Variants in TAFA5 observed in about 807,000 individuals in gnomAD.
TAFA5 encodes the protein chemokine-like protein TAFA-5.
A neutral mutation model predicts 15.3 loss-of-function variants in TAFA5; 6 were observed. That is an observed-to-expected ratio of 0.39 (90% CI 0.21 to 0.77). TAFA5 has a LOEUF of 0.77. Among genes scored for constraint, TAFA5 ranks in the 30% least tolerant of loss-of-function variants. The pLI, the probability that TAFA5 is intolerant of heterozygous loss-of-function variation, is 0.41. For missense variants in TAFA5, 161 were observed against 193.1 expected (o/e 0.83, Z 0.98); for synonymous variants, 103 against 80.7 (o/e 1.28, Z -1.48).
At chr22:48,632,732 AG>A (rs1926277362) in intron 1 of TAFA5, among the ~76,000 whole-genome samples, 1 of 152,080 alleles carries the variant, frequency 6.6e-6, no homozygotes, top group Admixed American at 6.5e-5. Flanking sequence ...CTGGCTGCGG[AG>A]GCCCTGACCC....
intron 1 of TAFA5, among the ~76,000 whole-genome samples, chr22:48,556,097 C>G (rs1469920744): frequency 6.6e-6 from 1 of 152,210 alleles, no homozygotes; most frequent in Non-Finnish European, 1.5e-5. Flanking sequence ...GATTGGTGGT[C>G]TCATCAAACT....
chr22:48,693,565 T>C (rs1197954103), intron 2 of TAFA5, among the ~76,000 whole-genome samples: 1 of 152,150 alleles, frequency 6.6e-6, no homozygotes, highest in Non-Finnish European at 1.5e-5. Context: ...CAGGGAACTC[T>C]GTTCCCACCC....
intron 1 of TAFA5, among the ~76,000 whole-genome samples, chr22:48,525,210 A>G (rs1921738485): frequency 6.6e-6 from 1 of 152,156 alleles, no homozygotes; most frequent in South Asian, 2.1e-4. Context: ...ACCCATTCAC[A>G]GGCTCCAGAG....
intron 2 of TAFA5, among the ~76,000 whole-genome samples, chr22:48,665,879 C>T (rs1927591749): frequency 1.3e-5 from 2 of 152,038 alleles, no homozygotes; most frequent in South Asian, 2.1e-4. Context: ...GGGCCGCCTG[C>T]TTGAACATCG....
chr22:48,540,379 C>T (rs1331176387), intron 1 of TAFA5, among the ~76,000 whole-genome samples: 3 of 152,144 alleles, frequency 2.0e-5, no homozygotes, highest in Non-Finnish European at 4.4e-5. Context: ...CCTGGACCCC[C>T]AGAGAATCCC....
At chr22:48,663,795 T>C (rs1927525174) in intron 2 of TAFA5, among the ~76,000 whole-genome samples, 1 of 152,132 alleles carries the variant, frequency 6.6e-6, no homozygotes, top group Non-Finnish European at 1.5e-5. Context: ...TAAGTAGCCG[T>C]CTTGGTTATC....
At chr22:48,719,353 G>A (rs538613724) in intron 3 of TAFA5, among the ~76,000 whole-genome samples, 1 of 152,374 alleles carries the variant, frequency 6.6e-6, no homozygotes, top group East Asian at 1.9e-4. Context: ...GAGCCCAGAG[G>A]CTCCAAGTCC....
intron 1 of TAFA5, among the ~76,000 whole-genome samples, chr22:48,534,449 G>A (rs1347605828): frequency 6.6e-6 from 1 of 152,142 alleles, no homozygotes; most frequent in Non-Finnish European, 1.5e-5. Context: ...CTAGGACTGA[G>A]GAGTGTGGAG....
intron 1 of TAFA5, among the ~76,000 whole-genome samples, chr22:48,510,089 T>G (rs1921157503): frequency 6.6e-6 from 1 of 152,162 alleles, no homozygotes; most frequent in South Asian, 2.1e-4. Context: ...ATGAAACTGC[T>G]AGAAGAAAAC....
At chr22:48,701,881 A>G (rs577407212) in intron 2 of TAFA5, among the ~76,000 whole-genome samples, 1 of 152,182 alleles carries the variant, frequency 6.6e-6, no homozygotes, top group Non-Finnish European at 1.5e-5. Context: ...CAAGGTTTTT[A>G]TGCTGCCACT....
intron 1 of TAFA5, among the ~76,000 whole-genome samples, chr22:48,590,788 C>T (rs1382193504): frequency 6.6e-6 from 1 of 152,126 alleles, no homozygotes; most frequent in Non-Finnish European, 1.5e-5. Context: ...ACCAGCTTCA[C>T]AGTTACCTGG....
intron 2 of TAFA5, among the ~76,000 whole-genome samples, chr22:48,664,946 C>T (rs1222622002): frequency 6.6e-6 from 1 of 152,186 alleles, no homozygotes; most frequent in African/African-American, 2.4e-5. Flanking sequence ...GACTTATCTC[C>T]AGCATTCGCC....
chr22:48,533,034 T>A (rs955273830), intron 1 of TAFA5, among the ~76,000 whole-genome samples: 1 of 152,156 alleles, frequency 6.6e-6, no homozygotes, highest in Non-Finnish European at 1.5e-5. Context: ...CCCTAAATGC[T>A]GCCAGGGGAC....
intron 1 of TAFA5, among the ~76,000 whole-genome samples, chr22:48,641,757 G>T (rs558390281): frequency 6.6e-6 from 1 of 152,210 alleles, no homozygotes; most frequent in South Asian, 2.1e-4. Context: ...TCGGTGGGGG[G>T]ACCTGCAAGG....
intron 1 of TAFA5, among the ~76,000 whole-genome samples, chr22:48,632,629 G>A (rs1485859722): frequency 6.6e-6 from 1 of 152,196 alleles, no homozygotes; most frequent in Non-Finnish European, 1.5e-5. Context: ...GGGTCCCCTT[G>A]GCTGGGGAAG....
chr22:48,546,199 C>T (rs544760207), intron 1 of TAFA5, among the ~76,000 whole-genome samples: 4 of 152,326 alleles, frequency 2.6e-5, no homozygotes, highest in East Asian at 3.9e-4. Context: ...TGCGCCTGCA[C>T]GTGGCCAGCA....
intron 3 of TAFA5, among the ~76,000 whole-genome samples, chr22:48,738,579 T>C (rs1001007061): frequency 1.3e-5 from 2 of 152,192 alleles, no homozygotes; most frequent in African/African-American, 4.8e-5. Context: ...TGAGGAGTGA[T>C]TGCACCACAG....
chr22:48,644,465 C>T (rs1194402671), intron 1 of TAFA5, among the ~76,000 whole-genome samples: 1 of 152,242 alleles, frequency 6.6e-6, no homozygotes, highest in African/African-American at 2.4e-5. Flanking sequence ...GGAGCTGGGG[C>T]AGGCCGGTCT....
intron 1 of TAFA5, among the ~76,000 whole-genome samples, chr22:48,508,177 G>C (rs560799838): frequency 6.6e-6 from 1 of 152,180 alleles, no homozygotes; most frequent in African/African-American, 2.4e-5. Context: ...CTGTGTGGGG[G>C]CTGCACTGTT....
Sources: allele counts gnomAD v4.1 joint callset (sites outside exome capture counted in the v4.1 genomes callset), GRCh38; gene constraint gnomAD v4.1.1; transcripts MANE v1.5; gene names NCBI Gene and HGNC (gene_info 2026-07-23, HGNC 2026-07-21).